The following TUFT1 variants were observed in gnomAD, a reference collection of about 807,000 sequenced individuals.
TUFT1 encodes tuftelin.
TUFT1 carries 43 observed loss-of-function variants against 57.8 expected under a neutral mutation model. The observed-to-expected ratio is 0.74, with a 90% CI of 0.58 to 0.96. The LOEUF is 0.96. TUFT1 is among the 40% of genes least tolerant of loss of function. TUFT1 has a pLI of 0.00. For missense variants in TUFT1, 459 were observed against 489.0 expected (o/e 0.94, Z 0.58); for synonymous variants, 166 against 176.7 (o/e 0.94, Z 0.48).
chr1:151,553,132 C>T (rs1280811032), intron 1 of TUFT1, among the ~76,000 whole-genome samples: 4 of 151,876 alleles, frequency 2.6e-5, no homozygotes, highest in Non-Finnish European at 1.5e-5. Flanking sequence ...TGCTCTTGTC[C>T]CCAGGCTGGA....
In TUFT1 at chr1:151,563,995, G is replaced by A; in HGVS notation, c.324+5G>A. The A allele has an allele frequency of 6.2e-7, 1 of 1,612,548 alleles. No homozygotes were observed. Among genetic ancestry groups the A allele is most frequent in the Non-Finnish European group, 8.5e-7 (1 of 1,178,830 alleles). ...GAGGTCCAGTACATCCAGGAGGTGG[G>A]CACCCCTTACCTCTCACGCAGTGCC... is the stretch of plus-strand genomic sequence containing the variant. On this transcript the variant is annotated splice_donor_5th_base_variant and intron_variant, in intron 4 of 12. Transcript: ENST00000368849.
chr1:151,577,990 C>T (rs1308965703), intron 9 of TUFT1, among the ~76,000 whole-genome samples: 2 of 151,342 alleles, frequency 1.3e-5, no homozygotes, highest in East Asian at 3.9e-4. Context: ...TGCATTATTG[C>T]ACTCCAGCCT....
Position 151,555,563 on chromosome 1 carries a change from G to C in TUFT1, c.61-6528G>C, listed in dbSNP as rs532503496. Among the ~76,000 whole-genome samples the C allele has an allele frequency of 6.0e-5, 9 of 151,202 alleles. No individual in the cohort carries two copies. The East Asian group carries it at 1.6e-3, about 26-fold the overall frequency. ...GGAGGCCGAGGCAGGCAGATCACGAGGTCAGGAGTTTGAGACCAACCTGGC... is the reference window on the plus strand; with the variant it reads ...GGAGGCCGAGGCAGGCAGATCACGACGTCAGGAGTTTGAGACCAACCTGGC... On this transcript the variant is annotated intron_variant, in intron 1 of 12. Coordinates refer to ENST00000368849, the MANE Select transcript of TUFT1 (RefSeq NM_020127.3).
chr1:151,541,088 C>T (rs1042765461), intron 1 of TUFT1, among the ~76,000 whole-genome samples: 4 of 152,144 alleles, frequency 2.6e-5, no homozygotes, highest in African/African-American at 9.7e-5. Context: ...CTCTTGTTTT[C>T]CTCCCTCTAT....
At chr1:151,561,477 A>G (rs1327962415) in intron 1 of TUFT1, 1 of 472,240 alleles carries the variant, frequency 2.1e-6, no homozygotes, top group African/African-American at 2.2e-5. Context: ...GCGCGCGCAC[A>G]CACACACACA....
chr1:151,561,558 C>T (rs974785144), intron 1 of TUFT1: 1 of 985,014 alleles, frequency 1.0e-6, no homozygotes, highest in Admixed American at 6.2e-5. Context: ...TTAGGTTGAT[C>T]TCTAGATGAA....
chr1:151,564,594 C>G lies in TUFT1; in HGVS notation c.394C>G (p.Leu132Val). 6.2e-7 allele frequency: 1 copy of G among 1,614,102 alleles called. No homozygotes were observed. The highest frequency in any genetic ancestry group is 1.7e-5 in the Admixed American group (1 of 60,026). ...SKLDRNLGDS[L>V]HRQEIQVVLE... ...GCTTGACAGGAACCTAGGAGATTCT[C>G]TCCATCGACAGGAGATACAGGTAAT... The change falls in exon 5 of 13, where the codon CTC becomes GTC. Residue 132 changes from leucine (L) to valine (V), a missense_variant. Coordinates refer to ENST00000368849, the MANE Select transcript of TUFT1 (RefSeq NM_020127.3).
At chr1:151,572,073 T>G (rs1666267229) in intron 7 of TUFT1, among the ~76,000 whole-genome samples, 1 of 152,104 alleles carries the variant, frequency 6.6e-6, no homozygotes, top group Non-Finnish European at 1.5e-5. Flanking sequence ...TGGTGGAGCA[T>G]GCCTGTGGTT....
intron 3 of TUFT1, among the ~76,000 whole-genome samples, chr1:151,563,058 T>TA: frequency 6.6e-6 from 1 of 152,128 alleles, no homozygotes; most frequent in South Asian, 2.1e-4. Context: ...ATTTATATAT[T>TA]TTTAGTTTTG....
At chr1:151,559,492 T>C (rs919234821) in intron 1 of TUFT1, among the ~76,000 whole-genome samples, 1 of 152,036 alleles carries the variant, frequency 6.6e-6, no homozygotes, top group East Asian at 1.9e-4. Flanking sequence ...GCACAGGAAA[T>C]GATGGGAGCA....
intron 1 of TUFT1, among the ~76,000 whole-genome samples, chr1:151,542,057 G>A (rs764992636): frequency 4.6e-5 from 7 of 152,154 alleles, no homozygotes; most frequent in Non-Finnish European, 1.0e-4. Context: ...AGGGAAAAGG[G>A]TATGAGATAA....
chr1:151,574,132 G>T, intron 7 of TUFT1, 138 bp from the exon 8 acceptor site: 1 of 986,382 alleles, frequency 1.0e-6, no homozygotes, highest in Non-Finnish European at 1.5e-6. Flanking sequence ...GGGAGGTGGT[G>T]GTGAGCCCAT....
chr1:151,572,822 G>A (rs1274630431), intron 7 of TUFT1, among the ~76,000 whole-genome samples: 2 of 152,174 alleles, frequency 1.3e-5, no homozygotes, highest in African/African-American at 4.8e-5. Flanking sequence ...CACCTGTGCC[G>A]TACTTTCTCC....
chr1:151,565,221 G>T (rs1666024853), intron 5 of TUFT1, among the ~76,000 whole-genome samples: 1 of 152,224 alleles, frequency 6.6e-6, no homozygotes, highest in African/African-American at 2.4e-5. Context: ...AACAGATTGG[G>T]TAAGTCTTTC....
At chr1:151,559,637 T>G (rs1416627137) in intron 1 of TUFT1, among the ~76,000 whole-genome samples, 1 of 152,108 alleles carries the variant, frequency 6.6e-6, no homozygotes, top group Non-Finnish European at 1.5e-5. Context: ...TCATAGGAAT[T>G]AAGTGTTTTC....
At chr1:151,574,432 C>T in intron 8 of TUFT1, 34 bp downstream of exon 8, 4 of 1,612,388 alleles carry the variant, frequency 2.5e-6, no homozygotes, top group Non-Finnish European at 3.4e-6. Flanking sequence ...AGTGCCTGGA[C>T]TCCTGGGCTG....
intron 1 of TUFT1, among the ~76,000 whole-genome samples, chr1:151,542,480 C>A (rs180923412): frequency 1.3e-5 from 2 of 152,114 alleles, no homozygotes; most frequent in African/African-American, 4.8e-5. Flanking sequence ...AGTCTGCCCA[C>A]CTTGGCCTCC....
chr1:151,578,187 C>G (rs866728087), intron 9 of TUFT1, among the ~76,000 whole-genome samples: 1 of 152,192 alleles, frequency 6.6e-6, no homozygotes, highest in African/African-American at 2.4e-5. Flanking sequence ...TTCCCTGGAA[C>G]CATCTACCTG....
rs572044064 is a variant in TUFT1, at chr1:151,574,476, G to C, written c.723+78G>C. ...CTGCAGGTGGATCGAAACGGTTGCC[G>C]AGACCCTTCTTTTCCAAGCCTCTCC... On this transcript the variant is annotated intron_variant, in intron 8 of 12. Transcript: ENST00000368849. 85 of 1,566,338 alleles carry C rather than the reference G, an allele frequency of 5.4e-5. 2 individuals carry two copies. In the South Asian group the frequency reaches 9.6e-4, roughly 18 times the overall value.
Sources: allele counts gnomAD v4.1 joint callset (sites outside exome capture counted in the v4.1 genomes callset), GRCh38; gene constraint gnomAD v4.1.1; transcripts MANE v1.5; gene names NCBI Gene and HGNC (gene_info 2026-07-23, HGNC 2026-07-21).